Variants in PARM1 observed in about 807,000 individuals in gnomAD.
The protein encoded by PARM1 is WSC4, cell wall integrity and stress response component 4 homolog.
PARM1 carries 14 observed loss-of-function variants against 24.6 expected under a neutral mutation model. The ratio of observed to expected loss-of-function variants is 0.57; its 90% CI spans 0.38 to 0.89. The LOEUF (loss-of-function observed/expected upper bound fraction) is 0.89. Ranked by LOEUF, PARM1 falls within the 40% of genes least tolerant of loss-of-function variation. PARM1 has a pLI of 0.00. For missense variants in PARM1, 362 were observed against 380.4 expected, an observed-to-expected ratio of 0.95 and a Z score of 0.40; for synonymous variants, 179 against 156.6, an observed-to-expected ratio of 1.14 and a Z score of -1.07.
chr4:75,003,832 A>G (rs1174783759), intron 1 of PARM1, among the ~76,000 whole-genome samples: 1 of 152,184 alleles, frequency 6.6e-6, no homozygotes, highest in Non-Finnish European at 1.5e-5. Flanking sequence ...CCTAAAACAC[A>G]CTGAAACCTA....
intron 1 of PARM1, among the ~76,000 whole-genome samples, chr4:74,933,626 T>C (rs913387785): frequency 6.6e-6 from 1 of 152,230 alleles, no homozygotes; most frequent in African/African-American, 2.4e-5. Flanking sequence ...AACAGGTGGC[T>C]GTCTTAGCTG....
intron 3 of PARM1, among the ~76,000 whole-genome samples, chr4:75,042,353 G>T (rs1314512113): frequency 1.3e-5 from 2 of 152,184 alleles, no homozygotes; most frequent in African/African-American, 4.8e-5. Flanking sequence ...TCTTTATTAA[G>T]ACTTTTAGTA....
At chr4:75,044,361 A>C (rs1194813574) in intron 3 of PARM1, among the ~76,000 whole-genome samples, 1 of 152,236 alleles carries the variant, frequency 6.6e-6, no homozygotes, top group African/African-American at 2.4e-5. Flanking sequence ...TTTTAGTCTT[A>C]AAATGACCAT....
At chr4:75,014,260 A>G (rs956195614) in intron 2 of PARM1, among the ~76,000 whole-genome samples, 1 of 152,232 alleles carries the variant, frequency 6.6e-6, no homozygotes, top group Admixed American at 6.5e-5. Flanking sequence ...GTGATTCCTC[A>G]TGGAAGAGCT....
At chr4:74,983,860 T>C (rs559975324) in intron 1 of PARM1, among the ~76,000 whole-genome samples, 1 of 152,340 alleles carries the variant, frequency 6.6e-6, no homozygotes, top group South Asian at 2.1e-4. Context: ...TTGGCTGTTT[T>C]TTAAGGTTTA....
At chr4:74,986,851 A>G (rs964651165) in intron 1 of PARM1, among the ~76,000 whole-genome samples, 1 of 152,178 alleles carries the variant, frequency 6.6e-6, no homozygotes, top group African/African-American at 2.4e-5. Context: ...GCTCTCTGTG[A>G]TCACATGGTC....
At chr4:75,020,009 CAAAAAAA>C (rs1161399344) in intron 2 of PARM1, among the ~76,000 whole-genome samples, 181 of 31,000 alleles carry the variant, frequency 5.8e-3, no homozygotes, top group East Asian at 0.039. Flanking sequence ...GACTCCGTCT[CAAAAAAA>C]AAAAAAAAAA....
chr4:74,980,606 A>T (rs1722230588), intron 1 of PARM1, among the ~76,000 whole-genome samples: 1 of 152,224 alleles, frequency 6.6e-6, no homozygotes, highest in Non-Finnish European at 1.5e-5. Flanking sequence ...GAATTATAAA[A>T]AACTATTTTA....
At chr4:75,040,069 C>T (rs1723451294) in intron 3 of PARM1, among the ~76,000 whole-genome samples, 1 of 152,146 alleles carries the variant, frequency 6.6e-6, no homozygotes, top group African/African-American at 2.4e-5. Flanking sequence ...CTTGGCAGTA[C>T]CTGACGTATA....
intron 3 of PARM1, among the ~76,000 whole-genome samples, chr4:75,040,246 T>C (rs1253226461): frequency 1.3e-5 from 2 of 152,218 alleles, no homozygotes; most frequent in Admixed American, 1.3e-4. Context: ...AGCTACGTCG[T>C]GACACTGAGC....
At chr4:74,984,567 A>G (rs534573033) in intron 1 of PARM1, among the ~76,000 whole-genome samples, 59 of 152,232 alleles carry the variant, frequency 3.9e-4, no homozygotes, top group African/African-American at 1.4e-3. Context: ...ATGTTTTCCA[A>G]AAGGTTCTTT....
chr4:75,012,283 T>C, intron 1 of PARM1, 142 bp from the exon 2 acceptor site: 1 of 880,868 alleles, frequency 1.1e-6, no homozygotes. Flanking sequence ...AAAAGTTGCC[T>C]TCACAACTGG....
intron 1 of PARM1, among the ~76,000 whole-genome samples, chr4:74,989,348 C>T (rs1286328137): frequency 6.6e-6 from 1 of 152,194 alleles, no homozygotes; most frequent in Non-Finnish European, 1.5e-5. Context: ...ATATCCCCTC[C>T]TTGTGTTCAA....
chr4:74,941,105 C>T (rs1389909847), intron 1 of PARM1, among the ~76,000 whole-genome samples: 2 of 152,090 alleles, frequency 1.3e-5, no homozygotes, highest in Non-Finnish European at 2.9e-5. Flanking sequence ...TGAACATTGC[C>T]GACTGAAAGG....
chr4:75,001,586 A>T (rs764055714), intron 1 of PARM1, among the ~76,000 whole-genome samples: 1 of 152,246 alleles, frequency 6.6e-6, no homozygotes, highest in African/African-American at 2.4e-5. Flanking sequence ...GTTTTGTACA[A>T]TTAAGACGTG....
In PARM1 at chr4:75,046,257, A is replaced by G; in HGVS notation, c.*10A>G. 2 of 1,530,930 alleles carry G rather than the reference A, an allele frequency of 1.3e-6. No individual in the cohort carries two copies. Among genetic ancestry groups the G allele is most frequent in the Non-Finnish European group, 1.8e-6 (2 of 1,104,332 alleles). 94.8% of individuals were successfully genotyped at this position (1,530,930 alleles called of 1,614,324 possible). On this transcript the variant is annotated 3_prime_UTR_variant, in exon 4 of 4. Transcript: ENST00000307428. Reference sequence around the variant, plus strand: ...GTACGATGACTCCTAACAATGGAATATGGCCTGGGATGAGGATTAACTGTT... The same window carrying G: ...GTACGATGACTCCTAACAATGGAATGTGGCCTGGGATGAGGATTAACTGTT...
At chr4:74,953,929 C>T (rs1721580897) in intron 1 of PARM1, among the ~76,000 whole-genome samples, 1 of 152,158 alleles carries the variant, frequency 6.6e-6, no homozygotes, top group African/African-American at 2.4e-5. Context: ...GCAAGTCAAG[C>T]TGACTGATTT....
At position 75,009,564 on chromosome 4, in the gene PARM1, G is replaced by A. The variant is rs17000079; in HGVS notation, c.44-2861G>A. ...ATGTTATGTTGGAATTAAAATGAGT[G>A]AAGCTGATCTTTAAGCAAGAATCTT... On this transcript the variant is annotated intron_variant, in intron 1 of 3. Coordinates refer to ENST00000307428, the MANE Select transcript of PARM1 (RefSeq NM_015393.4). Among the ~76,000 whole-genome samples, 1,522 of 152,322 alleles carry A rather than the reference G, an allele frequency of 1.0e-2. 31 individuals are homozygous for A. The highest frequency in any genetic ancestry group is 0.035 in the African/African-American group (1,463 of 41,566).
intron 2 of PARM1, among the ~76,000 whole-genome samples, chr4:75,025,385 TGAA>T (rs1411853314): frequency 1.3e-5 from 2 of 152,208 alleles, no homozygotes; most frequent in Non-Finnish European, 2.9e-5. Context: ...GAAAAGGCAA[TGAA>T]GAATATCTCT....
Sources: allele counts gnomAD v4.1 joint callset (sites outside exome capture counted in the v4.1 genomes callset), GRCh38; gene constraint gnomAD v4.1.1; transcripts MANE v1.5; gene names NCBI Gene and HGNC (gene_info 2026-07-23, HGNC 2026-07-21).